Variants in ERMP1 observed in about 807,000 individuals in gnomAD.
ERMP1 encodes the protein endoplasmic reticulum metallopeptidase 1, also known as Felix-ina.
ERMP1 carries 86 observed loss-of-function variants against 92.0 expected under a neutral mutation model. The observed-to-expected ratio is 0.93, with a 90% CI of 0.79 to 1.12. The LOEUF (loss-of-function observed/expected upper bound fraction) is 1.12. Ranked by LOEUF, ERMP1 falls within the 50% of genes most tolerant of loss-of-function variation. The pLI is 0.00. For missense variants in ERMP1, 1,342 were observed against 1,116.3 expected (o/e 1.20, Z -2.88); for synonymous variants, 530 against 412.8 (o/e 1.28, Z -3.44).
chr9:5,801,125 C>T lies in ERMP1; in HGVS notation c.2067+51G>A, dbSNP rs371062232. 2.6e-6 allele frequency: 4 copies of T among 1,560,568 alleles called. No homozygotes were observed. In the African/African-American group the frequency reaches 5.5e-5, roughly 21 times the overall value. ...TGCTATTCACTACTGAAGCTCAAAA[C>T]ACACAGGGCTTCCTTTCCAGATCTC... On this transcript the variant is annotated intron_variant, in intron 11 of 14. Coordinates refer to ENST00000339450, the MANE Select transcript of ERMP1 (RefSeq NM_024896.3).
chr9:5,795,991 A>C (rs1208417996), intron 13 of ERMP1, among the ~76,000 whole-genome samples: 2 of 152,206 alleles, frequency 1.3e-5, no homozygotes, highest in African/African-American at 4.8e-5. Context: ...ATAACTACTT[A>C]AAAATAAATC....
chr9:5,840,979 G>T (rs1830156217), intron 6 of ERMP1, among the ~76,000 whole-genome samples: 1 of 152,220 alleles, frequency 6.6e-6, no homozygotes, highest in Non-Finnish European at 1.5e-5. Flanking sequence ...TGAGCCTGAG[G>T]CGAACTTGAT....
At chr9:5,828,581 T>G (rs748112547) in intron 2 of ERMP1, among the ~76,000 whole-genome samples, 1 of 152,236 alleles carries the variant, frequency 6.6e-6, no homozygotes, top group Non-Finnish European at 1.5e-5. Flanking sequence ...CCTTTGTCAC[T>G]TCTCTAAAAA....
At chr9:5,859,498 G>A (rs565438512) in exon 6 of ERMP1, among the ~76,000 whole-genome samples, 5 of 152,310 alleles carry the variant, frequency 3.3e-5, no homozygotes, top group African/African-American at 1.2e-4. Context: ...ACTCTCCAGA[G>A]TTCCAATCTC....
intron 4 of ERMP1, among the ~76,000 whole-genome samples, chr9:5,820,804 G>A (rs1346745073): frequency 6.6e-6 from 1 of 152,150 alleles, no homozygotes; most frequent in African/African-American, 2.4e-5. Context: ...AACCCAGGAG[G>A]GCCTTTATCC....
At chr9:5,801,976 A>ATC (rs1828690394) in intron 10 of ERMP1, among the ~76,000 whole-genome samples, 2 of 152,356 alleles carry the variant, frequency 1.3e-5, no homozygotes, top group African/African-American at 4.8e-5. Context: ...TCGTAATGAA[A>ATC]TCGCTGAACT....
chr9:5,832,776 C>T lies in ERMP1; in HGVS notation c.252G>A (p.Leu84=), dbSNP rs1419132104. Residue 84 remains leucine, a synonymous_variant, in exon 1 of 15, where the codon CTG becomes CTA. Coordinates refer to ENST00000339450, the MANE Select transcript of ERMP1 (RefSeq NM_024896.3). ...ALGLALYLIA[L]RTLVQLSLQQ... ...GCAGCGAGAGCTGCACCAGCGTCCG[C>T]AGCGCGATCAGGTAGAGCGCGAGCC... The T allele has an allele frequency of 2.7e-6, 4 of 1,500,330 alleles. No individual in the cohort carries two copies. The East Asian group carries it at 8.4e-5, about 32-fold the overall frequency. The allele number at this position is 1,500,330 out of a possible 1,614,324, so 92.9% of individuals were successfully genotyped here. A position where few individuals can be genotyped will look rare whatever the true frequency, so the allele number is the denominator to read the frequency against.
intron 6 of ERMP1, among the ~76,000 whole-genome samples, chr9:5,846,601 T>TCTAAA (rs1405967408): frequency 6.6e-6 from 1 of 152,218 alleles, no homozygotes; most frequent in African/African-American, 2.4e-5. Context: ...GATTATCACA[T>TCTAAA]CTAACTACAT....
chr9:5,802,915 G>C (rs1471039609), intron 10 of ERMP1, among the ~76,000 whole-genome samples: 1 of 152,072 alleles, frequency 6.6e-6, no homozygotes, highest in East Asian at 1.9e-4. Context: ...GACACAGGAT[G>C]CAATATTTCA....
rs2131212905 is a variant in ERMP1 at position 5,797,834 on chromosome 9, A to G, written c.2369T>C (p.Leu790Ser). The G allele has an allele frequency of 1.9e-6, 3 of 1,601,894 alleles. No homozygotes were observed. Among genetic ancestry groups the G allele is most frequent in the East Asian group, 4.5e-5 (2 of 44,812 alleles). ...KEQTPWDSIK[L>S]TFEATGPSHM... is the part of the protein sequence containing the mutation. Reference sequence around the variant, plus strand: ...TGACTTACCTGTTGCTTCAAAAGTCAATTTTATAGAATCCCAAGGTGTCTG... The same window carrying G: ...TGACTTACCTGTTGCTTCAAAAGTCGATTTTATAGAATCCCAAGGTGTCTG... The change falls in exon 13 of 15, where the codon TTG becomes TCG. Residue 790 changes from leucine to serine, a missense_variant. Leu to Ser is a moderately radical substitution (Grantham distance 145). Coordinates refer to ENST00000339450, the MANE Select transcript of ERMP1 (RefSeq NM_024896.3).
At chr9:5,849,752 T>C (rs1200913286) in intron 6 of ERMP1, among the ~76,000 whole-genome samples, 3 of 152,206 alleles carry the variant, frequency 2.0e-5, no homozygotes, top group African/African-American at 2.4e-5. Flanking sequence ...TAGCACACTT[T>C]TGGCATGTTT....
chr9:5,805,000 A>G, intron 10 of ERMP1, 27 bp downstream of exon 10: 1 of 1,554,892 alleles, frequency 6.4e-7, no homozygotes, highest in East Asian at 2.3e-5. Flanking sequence ...AAAATGAAGA[A>G]AAAGAAAAAA....
intron 12 of ERMP1, 103 bp downstream of exon 12, chr9:5,798,703 T>C: frequency 1.4e-6 from 1 of 708,472 alleles, no homozygotes; most frequent in Admixed American, 2.8e-5. Context: ...CAAACACCAC[T>C]GAACTTGTAT....
intron 13 of ERMP1, among the ~76,000 whole-genome samples, chr9:5,788,980 T>A (rs1828057416): frequency 6.6e-6 from 1 of 151,804 alleles, no homozygotes; most frequent in Non-Finnish European, 1.5e-5. Flanking sequence ...CTAAGAAAAT[T>A]AAAATGGGAA....
intron 6 of ERMP1, among the ~76,000 whole-genome samples, chr9:5,849,205 T>G (rs1379805556): frequency 6.6e-6 from 1 of 152,060 alleles, no homozygotes; most frequent in Non-Finnish European, 1.5e-5. Flanking sequence ...GTATTTTTAG[T>G]AGAGACAGGG....
intron 13 of ERMP1, among the ~76,000 whole-genome samples, chr9:5,791,495 G>C (rs898309913): frequency 6.6e-6 from 1 of 152,170 alleles, no homozygotes; most frequent in African/African-American, 2.4e-5. Context: ...ATCTAGGATA[G>C]CATTTGACCA....
chr9:5,814,146 C>G (rs1829214602), intron 4 of ERMP1, among the ~76,000 whole-genome samples: 1 of 152,128 alleles, frequency 6.6e-6, no homozygotes, highest in African/African-American at 2.4e-5. Flanking sequence ...TTATCCTTAA[C>G]TTTGATTTGT....
intron 13 of ERMP1, among the ~76,000 whole-genome samples, chr9:5,796,436 C>T (rs985691410): frequency 1.3e-5 from 2 of 152,222 alleles, no homozygotes; most frequent in African/African-American, 4.8e-5. Context: ...CAATCACACT[C>T]CTAAGCATTT....
At chr9:5,819,421 A>G (rs527316510) in intron 4 of ERMP1, among the ~76,000 whole-genome samples, 1 of 152,130 alleles carries the variant, frequency 6.6e-6, no homozygotes, top group Non-Finnish European at 1.5e-5. Flanking sequence ...AAAAACCACA[A>G]CCTTGCATAA....
Sources: gnomAD v4.1 joint callset for allele counts (sites outside exome capture counted in the v4.1 genomes callset) on GRCh38, gnomAD v4.1.1 for gene constraint, MANE v1.5 for transcripts, NCBI Gene and HGNC (gene_info 2026-07-23, HGNC 2026-07-21) for gene names.